The following REL variants were observed in gnomAD, a reference collection of about 807,000 sequenced individuals.
REL encodes proto-oncogene c-Rel.
Under a neutral mutation model 45.9 loss-of-function variants are expected in REL, and 15 were observed. That is an observed-to-expected ratio of 0.33 (90% CI 0.22 to 0.50). REL has a LOEUF of 0.50. Among genes scored for constraint, REL ranks in the 20% least tolerant of loss-of-function variants. The pLI is 0.98. For synonymous variants in REL, 239 were observed against 242.1 expected (o/e 0.99, Z 0.12); for missense variants, 601 against 715.2 (o/e 0.84, Z 1.82).
chr2:60,892,138 C>CA lies in REL; in HGVS notation c.153+314dup, dbSNP rs373724420. Among the ~76,000 whole-genome samples, 74 of 152,218 alleles carry CA rather than the reference C, an allele frequency of 4.9e-4. No individual in the cohort carries two copies. The Middle Eastern group carries it at 0.017, about 35-fold the overall frequency. Reference sequence around the variant, plus strand: ...GGATCATGTTCTTTTTCATGGAACACAGAGATAATAAGGAAAACCCATTCT... The same window carrying CA: ...GGATCATGTTCTTTTTCATGGAACACAAGAGATAATAAGGAAAACCCATTCT... On this transcript the variant is annotated intron_variant, in intron 2 of 9. Transcript: ENST00000394479.
chr2:60,905,558 T>A (rs538006851), intron 4 of REL, among the ~76,000 whole-genome samples: 2 of 152,312 alleles, frequency 1.3e-5, no homozygotes, highest in South Asian at 4.1e-4. Flanking sequence ...AAAATATTTT[T>A]AAAATAATAA....
At chr2:60,908,594 T>G (rs1673724216) in intron 4 of REL, among the ~76,000 whole-genome samples, 1 of 152,206 alleles carries the variant, frequency 6.6e-6, no homozygotes, top group African/African-American at 2.4e-5. Context: ...GACTCTTAAC[T>G]GCAAAAGCTG....
intron 1 of REL, among the ~76,000 whole-genome samples, chr2:60,886,648 T>G (rs1673078970): frequency 6.6e-6 from 1 of 152,180 alleles, no homozygotes; most frequent in South Asian, 2.1e-4. Flanking sequence ...TAGCTTTTTT[T>G]TCTGTATACT....
In REL at chr2:60,894,397, A is replaced by G. The variant is rs769651615; in HGVS notation, c.154A>G (p.Ile52Val). The G allele has an allele frequency of 6.7e-7, 1 of 1,502,302 alleles. No homozygotes were observed. Among genetic ancestry groups the G allele is most frequent in the Admixed American group, 2.0e-5 (1 of 48,980 alleles). The allele number at this position is 1,502,302 out of a possible 1,614,324, so 93.1% of individuals were successfully genotyped here. ...DNNRTYPSIQ[I>V]MNYYGKGKVR... is the part of the protein sequence containing the mutation. ...GTATTTAATTTCCCCCTTTTTTCAG[A>G]TTATGAACTATTATGGAAAAGGAAA... The change falls in exon 3 of 10, where the codon ATT (isoleucine) becomes GTT (valine). Residue 52 changes from isoleucine to valine, a missense_variant and splice_region_variant. Around this residue, in one of 4 missense-constraint regions of REL, gnomAD observed 241 missense variants for 347.0 expected, o/e 0.69. Transcript: ENST00000394479.
At chr2:60,910,474 A>C (rs1015394685) in intron 4 of REL, among the ~76,000 whole-genome samples, 1 of 7,574 alleles carries the variant, frequency 1.3e-4, no homozygotes, top group African/African-American at 6.3e-4. Context: ...CAAAAAAAAA[A>C]CAAAAAACAA....
At chr2:60,886,797 TA>T (rs949928618) in intron 1 of REL, among the ~76,000 whole-genome samples, 1 of 152,184 alleles carries the variant, frequency 6.6e-6, no homozygotes, top group Non-Finnish European at 1.5e-5. Context: ...CACTATGTTT[TA>T]AAATAGCACT....
rs1297854441 is a variant in REL, at chr2:60,920,858, T to G, written c.991+216T>G. Among the ~76,000 whole-genome samples, 4 of 152,238 alleles carry G rather than the reference T, an allele frequency of 2.6e-5. No individual in the cohort carries two copies. The South Asian group carries it at 8.3e-4, about 31-fold the overall frequency. ...GGGATTTATTGTTCAAGAAATTACA[T>G]GTTGTTCATATGGTAGCAATTTTAT... On this transcript the variant is annotated intron_variant, in intron 9 of 9. Transcript: ENST00000394479.
intron 3 of REL, among the ~76,000 whole-genome samples, chr2:60,896,771 T>A (rs1440445369): frequency 6.6e-6 from 1 of 152,202 alleles, no homozygotes; most frequent in African/African-American, 2.4e-5. Flanking sequence ...CTTCCTGCTT[T>A]TCTGGCTGTT....
intron 2 of REL, among the ~76,000 whole-genome samples, chr2:60,894,009 C>A (rs1673286452): frequency 6.6e-6 from 1 of 152,078 alleles, no homozygotes; most frequent in East Asian, 1.9e-4. Flanking sequence ...CTATCCTTTC[C>A]AATACGGCTT....
chr2:60,923,572 C>T lies in REL; in HGVS notation c.*1037C>T, dbSNP rs1674201506. 1 of 232,768 alleles carries T rather than the reference C, an allele frequency of 4.3e-6. No individual in the cohort carries two copies. Among genetic ancestry groups the T allele is most frequent in the African/African-American group, 2.2e-5 (1 of 45,430 alleles). The allele number at this position is 232,768 out of a possible 1,614,324, so 14.4% of individuals were successfully genotyped here. A position where few individuals can be genotyped will look rare whatever the true frequency, so the allele number is the denominator to read the frequency against. The stretch of plus-strand genomic sequence containing the variant: ...GCTTCTCCTTCAGTCTTCTCCAACT[C>T]AGTAAATGGCAATGCCATACTTCTG... On this transcript the variant is annotated 3_prime_UTR_variant, in exon 10 of 10. Transcript: ENST00000394479.
Position 60,926,210 on chromosome 2 carries a change from A to G in REL, c.*3675A>G, listed in dbSNP as rs536460809. On this transcript the variant is annotated 3_prime_UTR_variant, in exon 10 of 10. Transcript: ENST00000394479. ...CTTAGTGATTCCTTTCTTTGTATAA[A>G]CATGGTAAATGTCTTCATTAGCCTA... 4.3e-6 allele frequency: 1 copy of G among 231,030 alleles called. No individual in the cohort carries two copies. The highest frequency in any genetic ancestry group is 1.8e-4 in the South Asian group (1 of 5,514). The allele number at this position is 231,030 out of a possible 1,614,324, so 14.3% of individuals were successfully genotyped here.
intron 3 of REL, among the ~76,000 whole-genome samples, chr2:60,897,981 G>A (rs542167134): frequency 3.3e-5 from 5 of 151,848 alleles, no homozygotes; most frequent in East Asian, 3.9e-4. Flanking sequence ...GTTAGTGATT[G>A]CGATAAAAGA....
At chr2:60,888,353 A>G (rs1216151355) in intron 1 of REL, among the ~76,000 whole-genome samples, 2 of 152,212 alleles carry the variant, frequency 1.3e-5, no homozygotes, top group East Asian at 3.8e-4. Context: ...ACACCTTTAA[A>G]TAAGTAGTGG....
rs182682534 is a variant in REL, at chr2:60,897,597, C to T, written c.302+3052C>T. Among the ~76,000 whole-genome samples, 92 of 152,160 alleles carry T rather than the reference C, an allele frequency of 6.0e-4. 1 individual carries two copies. In the East Asian group the frequency reaches 0.016, roughly 27 times the overall value. On this transcript the variant is annotated intron_variant, in intron 3 of 9. Transcript: ENST00000394479. ...TGCTGAGATTACAGGCATGAGCCAC[C>T]GTGCCTGGCCAACTTGTGCTTTGCT...
At chr2:60,905,421 C>A (rs1006124904) in intron 4 of REL, among the ~76,000 whole-genome samples, 3 of 152,124 alleles carry the variant, frequency 2.0e-5, no homozygotes, top group Admixed American at 2.0e-4. Context: ...CTTCCCGAGC[C>A]TTTCAGCAGT....
At chr2:60,906,928 T>TTC in intron 4 of REL, among the ~76,000 whole-genome samples, 2 of 146,634 alleles carry the variant, frequency 1.4e-5, no homozygotes, top group African/African-American at 2.5e-5. Context: ...TTTTTTTTTT[T>TTC]TCTTTTCCGA....
At chr2:60,882,145 C>T (rs1323409823) in intron 1 of REL, among the ~76,000 whole-genome samples, 1 of 152,206 alleles carries the variant, frequency 6.6e-6, no homozygotes, top group Non-Finnish European at 1.5e-5. Flanking sequence ...ACGAAGAGTT[C>T]TCATTAAAAA....
rs1181432818 is a variant in REL, at chr2:60,925,339, A to G, written c.*2804A>G. 2 of 192,262 alleles carry G rather than the reference A, an allele frequency of 1.0e-5. No individual in the cohort carries two copies. Among genetic ancestry groups the G allele is most frequent in the African/African-American group, 4.6e-5 (2 of 43,080 alleles). 11.9% of individuals were successfully genotyped at this position (192,262 alleles called of 1,614,324 possible). ...ATTCTCAGTTAAATGATACTGGGAA[A>G]TAGGGAAGACAGCAAAGTGAGACTT... On this transcript the variant is annotated 3_prime_UTR_variant, in exon 10 of 10. Coordinates refer to ENST00000394479, the MANE Select transcript of REL (RefSeq NM_001291746.2).
rs187458512 is a variant in REL at position 60,905,886 on chromosome 2, A to G, written c.394+4803A>G. The stretch of plus-strand genomic sequence containing the variant: ...TAGATTTTGTTTTTGAGTTCAATAT[A>G]TATACATACACCACACCCTTAGGAC... On this transcript the variant is annotated intron_variant, in intron 4 of 9. Transcript: ENST00000394479. 3.2e-3 allele frequency among the ~76,000 whole-genome samples: 481 copies of G among 152,298 alleles called. 1 individual carries two copies. The highest frequency in any genetic ancestry group is 4.2e-3 in the Non-Finnish European group (283 of 68,024).
Sources: gnomAD v4.1 joint callset for allele counts (sites outside exome capture counted in the v4.1 genomes callset) on GRCh38, gnomAD v4.1.1 for gene constraint, gnomAD v4.1.1 regional missense constraint, MANE v1.5 for transcripts, NCBI Gene and HGNC (gene_info 2026-07-23, HGNC 2026-07-21) for gene names.